Variants in ADGRB1 observed in about 807,000 individuals in gnomAD.
ADGRB1 encodes adhesion G protein-coupled receptor B1.
In ADGRB1, 36 loss-of-function variants were observed where a neutral mutation model predicts 175.7. That is an observed-to-expected ratio of 0.20 (90% confidence interval 0.16 to 0.27). The LOEUF (loss-of-function observed/expected upper bound fraction) is 0.27, where lower values mean the gene tolerates loss of function less well. Ranked by LOEUF, ADGRB1 falls within the 10% of genes least tolerant of loss-of-function variation. The pLI is 1.00. For synonymous variants in ADGRB1, 1,054 were observed against 979.4 expected, an observed-to-expected ratio of 1.08 and a Z score of -1.42; for missense variants, 1,731 against 2,255.3, an observed-to-expected ratio of 0.77 and a Z score of 4.71.
In ADGRB1 at chr8:142,542,077, C is replaced by T; in HGVS notation, c.3843C>T (p.Ala1281=). 1 of 1,613,168 alleles carries T rather than the reference C, an allele frequency of 6.2e-7. No individual in the cohort carries two copies. The highest frequency in any genetic ancestry group is 8.5e-7 in the Non-Finnish European group (1 of 1,179,818). ...GPPTNFNSLP[A]NVSKLHLHGS... ...CCACCAATTTCAACAGCCTGCCGGCCAACGTGTCCAAGCTGCACCTGCACG... is the reference window on the plus strand; with the variant it reads ...CCACCAATTTCAACAGCCTGCCGGCTAACGTGTCCAAGCTGCACCTGCACG... Residue 1281 remains alanine, a synonymous_variant, in exon 28 of 31, where the codon GCC becomes GCT. Transcript: ENST00000517894. The surrounding 1 kb of genome is among the most constrained non-coding windows in gnomAD (Gnocchi z 6.3).
At chr8:142,479,862 G>C (rs1002581908) in intron 9 of ADGRB1, 68 bp downstream of exon 9, 28 of 1,480,940 alleles carry the variant, frequency 1.9e-5, no homozygotes, top group Non-Finnish European at 2.6e-5. Context: ...CCCACGCTGA[G>C]GTGCTGTCAG....
intron 2 of ADGRB1, among the ~76,000 whole-genome samples, chr8:142,472,552 G>C (rs1246500558): frequency 6.6e-6 from 1 of 152,218 alleles, no homozygotes; most frequent in Non-Finnish European, 1.5e-5. Flanking sequence ...GCGGACCCCA[G>C]GGGCTCCATC....
In ADGRB1 at chr8:142,504,507, A is replaced by C. The variant is rs1188643761; in HGVS notation, c.2676-6425A>C. 3.3e-5 allele frequency among the ~76,000 whole-genome samples: 5 copies of C among 152,128 alleles called. No individual in the cohort carries two copies. Among genetic ancestry groups the C allele is most frequent in the Non-Finnish European group, 4.4e-5 (3 of 68,002 alleles). On this transcript the variant is annotated intron_variant, in intron 17 of 30. Transcript: ENST00000517894. The surrounding 1 kb of genome is among the most constrained non-coding windows in gnomAD (Gnocchi z 5.6). Reference sequence around the variant, plus strand: ...GGGCTCTGGCTGCTGGGTGAGGCAGAACACAGGGAGGGGAGCCCAGCACAG... The same window carrying C: ...GGGCTCTGGCTGCTGGGTGAGGCAGCACACAGGGAGGGGAGCCCAGCACAG...
At chr8:142,498,865 C>T (rs942861874) in intron 17 of ADGRB1, among the ~76,000 whole-genome samples, 4 of 152,174 alleles carry the variant, frequency 2.6e-5, no homozygotes, top group East Asian at 3.9e-4. Context: ...GGAGGGGCTT[C>T]GGCAGTGGAG....
chr8:142,505,471 C>A (rs754538082), intron 17 of ADGRB1, among the ~76,000 whole-genome samples: 4 of 152,160 alleles, frequency 2.6e-5, no homozygotes, highest in Non-Finnish European at 2.9e-5. Flanking sequence ...GAGATGGGGA[C>A]AAGGTTGTGG....
intron 24 of ADGRB1, among the ~76,000 whole-genome samples, chr8:142,530,008 C>T (rs995874915): frequency 2.0e-5 from 3 of 147,756 alleles, no homozygotes; most frequent in Non-Finnish European, 4.5e-5. Context: ...GCGCAACCTG[C>T]TGTGCGTATG....
chr8:142,477,337 C>G, intron 5 of ADGRB1, 48 bp from the exon 6 acceptor site: 4 of 1,589,616 alleles, frequency 2.5e-6, no homozygotes, highest in Non-Finnish European at 3.4e-6. Context: ...GCCAGGGCAG[C>G]GGGGGCGGTG....
intron 27 of ADGRB1, chr8:142,539,940 G>C (rs1049496772): frequency 6.4e-6 from 1 of 155,832 alleles, no homozygotes; most frequent in Admixed American, 6.4e-5. Context: ...GACCCACCAT[G>C]GAGCCCCCGG....
chr8:142,464,673 C>T lies in ADGRB1; in HGVS notation c.475C>T (p.Arg159Trp), dbSNP rs772928513. 7 of 1,524,092 alleles carry T rather than the reference C, an allele frequency of 4.6e-6. No homozygotes were observed. The highest frequency in any genetic ancestry group is 1.4e-5 in the African/African-American group (1 of 71,292). The allele number at this position is 1,524,092 out of a possible 1,614,324, so 94.4% of individuals were successfully genotyped here. Residue 159 changes from arginine to tryptophan, a missense_variant, in exon 2 of 31, where the codon CGG becomes TGG. By Grantham distance (101) the Arg-to-Trp change is moderately radical. Coordinates refer to ENST00000517894, the MANE Select transcript of ADGRB1 (RefSeq NM_001702.3). ...GCCCCAGCACGACGGGCTCCGGCCCCGGGCCGGGCCGCCGGGCCCCACCGA... is the reference window on the plus strand; with the variant it reads ...GCCCCAGCACGACGGGCTCCGGCCCTGGGCCGGGCCGCCGGGCCCCACCGA... The part of the protein sequence containing the change: ...QPPQHDGLRP[R>W]AGPPGPTDDF...
At position 142,510,916 on chromosome 8, in the gene ADGRB1, T is replaced by TGGCC; in HGVS notation, c.2676-16_2676-15insGGCC. The TGGCC allele has an allele frequency of 1.0e-6, 1 of 969,730 alleles. No homozygotes were observed. The allele number at this position is 969,730 out of a possible 1,614,324, so 60.1% of individuals were successfully genotyped here. On this transcript the variant is annotated splice_polypyrimidine_tract_variant and intron_variant, in intron 17 of 30. Coordinates refer to ENST00000517894, the MANE Select transcript of ADGRB1 (RefSeq NM_001702.3). The surrounding 1 kb of genome is among the most constrained non-coding windows in gnomAD (Gnocchi z 6.3). ...ACGCTCCGCCTGTCTCCCTCCCGTGTCCCGCCCGCCCCCAGACCCTCCTCC... is the reference window on the plus strand; with the variant it reads ...ACGCTCCGCCTGTCTCCCTCCCGTGTGGCCCCCGCCCGCCCCCAGACCCTCCTCC...
chr8:142,459,634 A>G (rs1195866737), intron 1 of ADGRB1, among the ~76,000 whole-genome samples: 1 of 152,202 alleles, frequency 6.6e-6, no homozygotes, highest in African/African-American at 2.4e-5. Flanking sequence ...AATGTGCCGC[A>G]TGTGTGTGTT....
chr8:142,485,029 C>A (rs1841591973), intron 13 of ADGRB1, among the ~76,000 whole-genome samples: 1 of 152,164 alleles, frequency 6.6e-6, no homozygotes, highest in Non-Finnish European at 1.5e-5. Context: ...CACCTGGGGC[C>A]AGAGCGTATT....
chr8:142,537,326 CCA>C lies in ADGRB1; in HGVS notation c.3666+248_3666+249del, dbSNP rs2132255991. On this transcript the variant is annotated intron_variant, in intron 26 of 30. Transcript: ENST00000517894. The surrounding 1 kb of genome is among the most constrained non-coding windows in gnomAD (Gnocchi z 4.6). ...GTCTCAGCGGAGGCTGGCATCCACCCCACACTCACCCCCGCTGGCAGCAGTGC... is the reference window on the plus strand; with the variant it reads ...GTCTCAGCGGAGGCTGGCATCCACCCCACTCACCCCCGCTGGCAGCAGTGC... 6.6e-6 allele frequency among the ~76,000 whole-genome samples: 1 copy of C among 152,160 alleles called. No homozygotes were observed. The highest frequency in any genetic ancestry group is 6.5e-5 in the Admixed American group (1 of 15,290).
chr8:142,472,247 G>A (rs1791768923), intron 2 of ADGRB1, among the ~76,000 whole-genome samples: 1 of 152,152 alleles, frequency 6.6e-6, no homozygotes, highest in South Asian at 2.1e-4. Flanking sequence ...AGTCTGGGGC[G>A]CCAGGGTGGG....
intron 3 of ADGRB1, 64 bp downstream of exon 3, chr8:142,475,699 A>C: frequency 3.4e-6 from 1 of 294,074 alleles, no homozygotes; most frequent in Non-Finnish European, 4.6e-6. Flanking sequence ...GAGGGAGGAG[A>C]GGGGGGTGGG....
chr8:142,482,673 C>A (rs1841423430), intron 11 of ADGRB1, among the ~76,000 whole-genome samples: 1 of 151,882 alleles, frequency 6.6e-6, no homozygotes, highest in South Asian at 2.1e-4. Flanking sequence ...CGATCCTGGT[C>A]ACACAGTGAA....
chr8:142,481,561 G>A lies in ADGRB1; in HGVS notation c.1980G>A (p.Glu660=). ...AGGCTCAGCGAGGGCTGCCTGGGGA[G>A]GGGGTCTCGGAGGTCATCCAGACAC... The part of the protein sequence containing the change: ...LAKAQRGLPG[E]GVSEVIQTLV... The change falls in exon 11 of 31, where the codon GAG becomes GAA. Residue 660 remains glutamate (E), a synonymous_variant. Coordinates refer to ENST00000517894, the MANE Select transcript of ADGRB1 (RefSeq NM_001702.3). 6.3e-7 allele frequency: 1 copy of A among 1,597,966 alleles called. No individual in the cohort carries two copies. The highest frequency in any genetic ancestry group is 8.5e-7 in the Non-Finnish European group (1 of 1,172,418).
At position 142,510,916 on chromosome 8, in the gene ADGRB1, T is replaced by TTGCC; in HGVS notation, c.2676-16_2676-15insTGCC. The TTGCC allele has an allele frequency of 1.0e-6, 1 of 969,720 alleles. No individual in the cohort carries two copies. Among genetic ancestry groups the TTGCC allele is most frequent in the African/African-American group, 1.8e-5 (1 of 55,780 alleles). The allele number at this position is 969,720 out of a possible 1,614,324, so 60.1% of individuals were successfully genotyped here. ...ACGCTCCGCCTGTCTCCCTCCCGTGTCCCGCCCGCCCCCAGACCCTCCTCC... is the reference window on the plus strand; with the variant it reads ...ACGCTCCGCCTGTCTCCCTCCCGTGTTGCCCCCGCCCGCCCCCAGACCCTCCTCC... On this transcript the variant is annotated splice_polypyrimidine_tract_variant and intron_variant, in intron 17 of 30. Transcript: ENST00000517894. The surrounding 1 kb of genome is among the most constrained non-coding windows in gnomAD (Gnocchi z 6.3).
At chr8:142,509,394 A>G (rs920723770) in intron 17 of ADGRB1, among the ~76,000 whole-genome samples, 1 of 152,232 alleles carries the variant, frequency 6.6e-6, no homozygotes, top group African/African-American at 2.4e-5. Context: ...GCCGAGGCAC[A>G]AAGTCAGGTG....
Sources: allele counts gnomAD v4.1 joint callset (sites outside exome capture counted in the v4.1 genomes callset), GRCh38; gene constraint gnomAD v4.1.1; non-coding constraint Gnocchi (gnomAD v3.1); transcripts MANE v1.5; gene names NCBI Gene and HGNC (gene_info 2026-07-23, HGNC 2026-07-21).